Variants in PPM1E observed in about 807,000 individuals in gnomAD.
PPM1E encodes the protein protein phosphatase 1E.
In PPM1E, 20 loss-of-function variants were observed where a neutral mutation model predicts 65.9. The observed-to-expected ratio is 0.30, with a 90% CI of 0.21 to 0.44. The LOEUF is 0.44. PPM1E is among the 20% of genes least tolerant of loss of function. The pLI is 1.00. For missense variants in PPM1E, 713 were observed against 953.1 expected (o/e 0.75, Z 3.32); for synonymous variants, 352 against 374.9 (o/e 0.94, Z 0.70).
intron 1 of PPM1E, among the ~76,000 whole-genome samples, chr17:58,822,831 C>T (rs781301209): frequency 2.0e-5 from 3 of 152,238 alleles, no homozygotes; most frequent in East Asian, 1.9e-4. Flanking sequence ...CAGGTCTTAC[C>T]GTACTGCCAG....
rs1567824193 is a variant in PPM1E at position 58,756,044 on chromosome 17, A to G, written c.47A>G (p.Glu16Gly). The change falls in exon 1 of 7, where the codon GAG (glutamate) becomes GGG (glycine). Residue 16 changes from glutamate (E) to glycine (G), a missense_variant. By Grantham distance (98) the Glu-to-Gly change is moderately conservative. Coordinates refer to ENST00000308249, the MANE Select transcript of PPM1E (RefSeq NM_014906.5). Reference protein sequence around the residue: ...PEEKTYRRFLELFLGEFRGPC... With the variant: ...PEEKTYRRFLGLFLGEFRGPC... ...GAGAAAACTTACCGGCGCTTCCTGG[A>G]GCTATTCCTGGGCGAGTTTCGCGGA... 2 of 1,613,812 alleles carry G rather than the reference A, an allele frequency of 1.2e-6. No individual in the cohort carries two copies.
At chr17:58,774,439 A>G (rs926011731) in intron 1 of PPM1E, among the ~76,000 whole-genome samples, 1 of 152,166 alleles carries the variant, frequency 6.6e-6, no homozygotes, top group African/African-American at 2.4e-5. Context: ...GGTATAAATA[A>G]TTTTAAATAT....
At chr17:58,867,608 G>C (rs2051020215) in intron 1 of PPM1E, among the ~76,000 whole-genome samples, 1 of 152,162 alleles carries the variant, frequency 6.6e-6, no homozygotes, top group Admixed American at 6.5e-5. Flanking sequence ...TATCAGTGGA[G>C]AATTTTGACT....
At chr17:58,818,283 A>G (rs1439120441) in intron 1 of PPM1E, among the ~76,000 whole-genome samples, 1 of 152,216 alleles carries the variant, frequency 6.6e-6, no homozygotes, top group Non-Finnish European at 1.5e-5. Context: ...AACTTGAGGC[A>G]CACAACAGAG....
intron 1 of PPM1E, among the ~76,000 whole-genome samples, chr17:58,860,717 G>A (rs1013038927): frequency 6.6e-5 from 10 of 152,210 alleles, no homozygotes; most frequent in Non-Finnish European, 1.2e-4. Context: ...GCCGAGGCGG[G>A]CAGACCGCCT....
intron 1 of PPM1E, among the ~76,000 whole-genome samples, chr17:58,813,155 G>T (rs1487403876): frequency 6.6e-6 from 1 of 152,136 alleles, no homozygotes; most frequent in Non-Finnish European, 1.5e-5. Context: ...AGAAAACCCA[G>T]GATCTTTTAT....
chr17:58,766,539 A>G (rs2049880582), intron 1 of PPM1E, among the ~76,000 whole-genome samples: 1 of 151,946 alleles, frequency 6.6e-6, no homozygotes, highest in Non-Finnish European at 1.5e-5. Context: ...TGTGAATCTA[A>G]ATACAAAAAC....
intron 1 of PPM1E, among the ~76,000 whole-genome samples, chr17:58,879,852 C>G (rs901391725): frequency 2.0e-5 from 3 of 152,136 alleles, no homozygotes; most frequent in Non-Finnish European, 4.4e-5. Flanking sequence ...TATTCCCACA[C>G]ACATTTCCAG....
intron 1 of PPM1E, chr17:58,785,458 T>TTATATATATATATATATATACATATA (rs2050089756): frequency 2.2e-5 from 2 of 88,990 alleles, no homozygotes; most frequent in African/African-American, 1.1e-4. Flanking sequence ...CCTGGCTAAT[T>TTATATATATATATATATATACATATA]TATATATATA....
intron 1 of PPM1E, among the ~76,000 whole-genome samples, chr17:58,879,301 T>G (rs1015734336): frequency 6.7e-6 from 1 of 149,770 alleles, no homozygotes; most frequent in Non-Finnish European, 1.5e-5. Flanking sequence ...TAATATTTTA[T>G]ATATATAAAA....
At chr17:58,936,882 A>AT (rs1191547694) in intron 1 of PPM1E, among the ~76,000 whole-genome samples, 1 of 152,232 alleles carries the variant, frequency 6.6e-6, no homozygotes, top group Non-Finnish European at 1.5e-5. Flanking sequence ...AGATGGCAAT[A>AT]TTCAGTGCTG....
chr17:58,787,675 G>A (rs933157476), intron 1 of PPM1E, among the ~76,000 whole-genome samples: 22 of 152,002 alleles, frequency 1.4e-4, no homozygotes, highest in East Asian at 3.9e-4. Flanking sequence ...TTGGGAGGCC[G>A]AGGCGGGCGG....
intron 1 of PPM1E, among the ~76,000 whole-genome samples, chr17:58,820,935 A>T (rs2050473175): frequency 6.6e-6 from 1 of 152,178 alleles, no homozygotes; most frequent in Non-Finnish European, 1.5e-5. Context: ...AAATTCTGTT[A>T]TAATAAAGTA....
chr17:58,778,825 A>C (rs1372661536), intron 1 of PPM1E, among the ~76,000 whole-genome samples: 1 of 151,374 alleles, frequency 6.6e-6, no homozygotes, highest in Non-Finnish European at 1.5e-5. Flanking sequence ...AAAAAGAACA[A>C]AACTTACTTG....
intron 1 of PPM1E, among the ~76,000 whole-genome samples, chr17:58,830,393 C>T (rs907584585): frequency 8.6e-5 from 13 of 151,654 alleles, no homozygotes; most frequent in African/African-American, 2.2e-4. Flanking sequence ...CTGCAAGCTT[C>T]GCCTCCCAGG....
At chr17:58,761,629 C>T (rs767133076) in intron 1 of PPM1E, among the ~76,000 whole-genome samples, 2 of 152,102 alleles carry the variant, frequency 1.3e-5, no homozygotes, top group Non-Finnish European at 2.9e-5. Context: ...CCCCAATAGC[C>T]ACTCCCAACA....
intron 1 of PPM1E, among the ~76,000 whole-genome samples, chr17:58,933,933 A>T (rs1214833874): frequency 6.6e-6 from 1 of 152,120 alleles, no homozygotes; most frequent in Admixed American, 6.5e-5. Context: ...CATCTCTAGT[A>T]AATATACAAA....
At chr17:58,966,222 GA>G in intron 3 of PPM1E, 1 of 378,732 alleles carries the variant, frequency 2.6e-6, no homozygotes, top group South Asian at 2.2e-5. Context: ...AAGCAAAAAA[GA>G]AAATGATTAG....
chr17:58,760,587 T>G (rs1293820903), intron 1 of PPM1E, among the ~76,000 whole-genome samples: 1 of 152,232 alleles, frequency 6.6e-6, no homozygotes, highest in East Asian at 1.9e-4. Context: ...CCAAAATGTT[T>G]AATTGTCACA....
Sources: allele counts gnomAD v4.1 joint callset (sites outside exome capture counted in the v4.1 genomes callset), GRCh38; gene constraint gnomAD v4.1.1; transcripts MANE v1.5; gene names NCBI Gene and HGNC (gene_info 2026-07-23, HGNC 2026-07-21).